The following ITGA2 variants were observed in gnomAD, a reference collection of about 807,000 sequenced individuals.
ITGA2 encodes integrin subunit alpha 2, also known as integrin alpha-2.
In ITGA2, 101 loss-of-function variants were observed where a neutral mutation model predicts 146.3. The observed-to-expected ratio is 0.69, with a 90% CI of 0.59 to 0.81. The LOEUF (loss-of-function observed/expected upper bound fraction) is 0.81, where lower values mean the gene tolerates loss of function less well. Among genes scored for constraint, ITGA2 ranks in the 40% least tolerant of loss-of-function variants. ITGA2 has a pLI of 0.00. For missense variants in ITGA2, 1,281 were observed against 1,402.7 expected, an observed-to-expected ratio of 0.91 and a Z score of 1.39; for synonymous variants, 477 against 487.1, an observed-to-expected ratio of 0.98 and a Z score of 0.27.
At chr5:53,060,841 T>A in intron 11 of ITGA2, 60 bp from the exon 12 acceptor site, 20 of 1,539,526 alleles carry the variant, frequency 1.3e-5, no homozygotes, top group Non-Finnish European at 1.8e-5. Flanking sequence ...ACTCACTTCT[T>A]TTAACTTTAT....
At chr5:53,030,165 G>C (rs1215656365) in intron 2 of ITGA2, among the ~76,000 whole-genome samples, 1 of 152,216 alleles carries the variant, frequency 6.6e-6, no homozygotes, top group Admixed American at 6.5e-5. Flanking sequence ...GGGAACATGA[G>C]AGGCAGCCAT....
rs371535929 is a variant in ITGA2 at position 53,090,081 on chromosome 5, T to G, written c.3465+19T>G. ...ATGGAAGGTAAGAAAAGCTTTATAT[T>G]TTAAAATACAGGGCTCCTGAAGGCC... On this transcript the variant is annotated intron_variant, in intron 29 of 29. Transcript: ENST00000296585. 5 of 1,458,086 alleles carry G rather than the reference T, an allele frequency of 3.4e-6. No individual in the cohort carries two copies. Among genetic ancestry groups the G allele is most frequent in the Non-Finnish European group, 4.8e-6 (5 of 1,038,140 alleles). The allele number at this position is 1,458,086 out of a possible 1,614,324, so 90.3% of individuals were successfully genotyped here. A position where few individuals can be genotyped will look rare whatever the true frequency, so the allele number is the denominator to read the frequency against.
intron 8 of ITGA2, 43 bp from the exon 9 acceptor site, chr5:53,055,941 G>A (rs756798715): frequency 1.3e-6 from 2 of 1,566,886 alleles, no homozygotes; most frequent in Non-Finnish European, 1.8e-6. Context: ...TAGGGAAAAT[G>A]TACAGCAGTA....
chr5:52,995,331 A>C (rs754994231), intron 1 of ITGA2, among the ~76,000 whole-genome samples: 8 of 152,210 alleles, frequency 5.3e-5, no homozygotes, highest in African/African-American at 1.9e-4. Flanking sequence ...CACCAAGATC[A>C]TTTAAGAAAG....
At chr5:53,049,857 C>T (rs1029054157) in intron 6 of ITGA2, among the ~76,000 whole-genome samples, 3 of 152,114 alleles carry the variant, frequency 2.0e-5, no homozygotes, top group Non-Finnish European at 4.4e-5. Context: ...AAATTGTTGA[C>T]ATATTTTTCC....
At chr5:53,041,057 T>C (rs769821721) in intron 2 of ITGA2, among the ~76,000 whole-genome samples, 3 of 152,146 alleles carry the variant, frequency 2.0e-5, no homozygotes, top group Non-Finnish European at 4.4e-5. Flanking sequence ...TTATAAAATA[T>C]ATATACAGAA....
At chr5:53,055,860 G>T in intron 8 of ITGA2, 124 bp from the exon 9 acceptor site, 2 of 1,249,728 alleles carry the variant, frequency 1.6e-6, no homozygotes, top group Non-Finnish European at 2.3e-6. Context: ...TAAATAAAGG[G>T]TTATGGAAAT....
chr5:53,050,499 G>T (rs1744305037), intron 6 of ITGA2, among the ~76,000 whole-genome samples: 1 of 152,092 alleles, frequency 6.6e-6, no homozygotes, highest in Non-Finnish European at 1.5e-5. Flanking sequence ...TATCTTCCCA[G>T]TGCCTAGCTC....
intron 1 of ITGA2, among the ~76,000 whole-genome samples, chr5:53,013,354 A>G (rs559247927): frequency 1.3e-5 from 2 of 149,820 alleles, no homozygotes; most frequent in Admixed American, 6.6e-5. Flanking sequence ...GTAAATGGGC[A>G]GTCCTTTCCC....
At position 53,093,276 on chromosome 5, in the gene ITGA2, T is replaced by G. The variant is rs552693744; in HGVS notation, c.*2677T>G. On this transcript the variant is annotated 3_prime_UTR_variant, in exon 30 of 30. Coordinates refer to ENST00000296585, the MANE Select transcript of ITGA2 (RefSeq NM_002203.4). ...ATATACGGAACTTGAAAGCTTTGGT[T>G]AGCCTTGCCTTAGGTAATCAGCCTA... 2 of 152,336 alleles carry G rather than the reference T, an allele frequency of 1.3e-5. No homozygotes were observed. The highest frequency in any genetic ancestry group is 3.9e-4 in the East Asian group (2 of 5,186). The allele number at this position is 152,336 out of a possible 1,614,324, so 9.4% of individuals were successfully genotyped here.
chr5:53,064,626 T>C (rs1330789810), intron 13 of ITGA2, among the ~76,000 whole-genome samples: 2 of 151,972 alleles, frequency 1.3e-5, no homozygotes, highest in African/African-American at 4.8e-5. Context: ...CACTGCAGCC[T>C]CTAATTCCTA....
intron 3 of ITGA2, among the ~76,000 whole-genome samples, chr5:53,044,690 T>G (rs1743986098): frequency 6.6e-6 from 1 of 151,386 alleles, no homozygotes; most frequent in South Asian, 2.1e-4. Context: ...GAGGCAAAAA[T>G]GATGTCCTCA....
At chr5:53,075,406 T>A in intron 23 of ITGA2, 102 bp downstream of exon 23, 1 of 866,750 alleles carries the variant, frequency 1.2e-6, no homozygotes, top group Non-Finnish European at 1.9e-6. Context: ...CATTCTTAAC[T>A]GAAGAATTTG....
At chr5:53,010,096 C>A (rs1431716966) in intron 1 of ITGA2, among the ~76,000 whole-genome samples, 4 of 152,174 alleles carry the variant, frequency 2.6e-5, no homozygotes, top group Admixed American at 2.0e-4. Flanking sequence ...ATCCTCTCAA[C>A]CATCTCAGCA....
At chr5:53,037,608 G>C (rs537379708) in intron 2 of ITGA2, among the ~76,000 whole-genome samples, 417 of 152,234 alleles carry the variant, frequency 2.7e-3, no homozygotes, top group Non-Finnish European at 4.8e-3. Flanking sequence ...TTCTTATGAG[G>C]GTGAGTTGTC....
chr5:53,077,415 G>A (rs1331894831), intron 23 of ITGA2, among the ~76,000 whole-genome samples: 1 of 151,996 alleles, frequency 6.6e-6, no homozygotes, highest in African/African-American at 2.4e-5. Context: ...AGCGATAATA[G>A]TATTATTTCT....
At position 53,070,222 on chromosome 5, in the gene ITGA2, C is replaced by G; in HGVS notation, c.2197C>G (p.Gln733Glu). The change falls in exon 17 of 30, where the codon CAA (glutamine) becomes GAA (glutamate). Residue 733 changes from glutamine (Q) to glutamate (E), a missense_variant. Physicochemically the swap from Gln to Glu is conservative, Grantham distance 29. Coordinates refer to ENST00000296585, the MANE Select transcript of ITGA2 (RefSeq NM_002203.4). ...CCTGCAGAAGAATATGGTAGTAAAT[C>G]AAGCACAGAGTTGCCCCGAGCACAT... ...RCLQKNMVVN[Q>E]AQSCPEHIIY... 6.2e-7 allele frequency: 1 copy of G among 1,611,894 alleles called. No individual in the cohort carries two copies. Among genetic ancestry groups the G allele is most frequent in the Non-Finnish European group, 8.5e-7 (1 of 1,178,646 alleles).
In ITGA2 at chr5:53,035,304, C is replaced by T. The variant is rs139581267; in HGVS notation, c.186-6808C>T. On this transcript the variant is annotated intron_variant, in intron 2 of 29. Coordinates refer to ENST00000296585, the MANE Select transcript of ITGA2 (RefSeq NM_002203.4). ...TTTTAAATTCAAGAAAACTGCATGT[C>T]GGATGAGAGGAAGTAACATAATTAG... 2.0e-3 allele frequency among the ~76,000 whole-genome samples: 307 copies of T among 152,248 alleles called. 1 individual carries two copies. The highest frequency in any genetic ancestry group is 7.2e-3 in the African/African-American group (298 of 41,550).
rs990785702 is a variant in ITGA2, at chr5:53,029,968, A to G, written c.185+3100A>G. On this transcript the variant is annotated intron_variant, in intron 2 of 29. Transcript: ENST00000296585. Reference sequence around the variant, plus strand: ...GACATCTGGCACCGAGTTTGAAGCAATTCTTTTAAGTAACAGCTTTCCTGG... The same window carrying G: ...GACATCTGGCACCGAGTTTGAAGCAGTTCTTTTAAGTAACAGCTTTCCTGG... Among the ~76,000 whole-genome samples, 40 of 152,320 alleles carry G rather than the reference A, an allele frequency of 2.6e-4. 1 individual carries two copies. Among genetic ancestry groups the G allele is most frequent in the African/African-American group, 9.1e-4 (38 of 41,558 alleles).
Sources: gnomAD v4.1 joint callset for allele counts (sites outside exome capture counted in the v4.1 genomes callset) on GRCh38, gnomAD v4.1.1 for gene constraint, MANE v1.5 for transcripts, NCBI Gene and HGNC (gene_info 2026-07-23, HGNC 2026-07-21) for gene names.